GRIN2A: variants seen among roughly 807,000 people sequenced by gnomAD.
GRIN2A encodes the protein glutamate receptor ionotropic, NMDA 2A.
A neutral mutation model predicts 113.4 loss-of-function variants in GRIN2A; 22 were observed. The ratio of observed to expected loss-of-function variants is 0.19; its 90% CI spans 0.14 to 0.28. The LOEUF is 0.28. GRIN2A is among the 10% of genes least tolerant of loss of function. The probability of loss-of-function intolerance (pLI) is 1.00; values close to 1 mark genes in which losing one functional copy is unlikely to be tolerated. For synonymous variants in GRIN2A, 827 were observed against 738.4 expected (o/e 1.12, Z -1.94); for missense variants, 1,502 against 1,887.0 (o/e 0.80, Z 3.78).
intron 2 of GRIN2A, among the ~76,000 whole-genome samples, chr16:10,168,214 T>C (rs1220804714): frequency 6.6e-6 from 1 of 152,208 alleles, no homozygotes; most frequent in Non-Finnish European, 1.5e-5. Context: ...TATATATGTG[T>C]GTGTGAGTTG....
chr16:10,125,331 A>C (rs1419152164), intron 2 of GRIN2A, among the ~76,000 whole-genome samples: 1 of 152,162 alleles, frequency 6.6e-6, no homozygotes, highest in African/African-American at 2.4e-5. Context: ...CAGGGGCAGC[A>C]AAGAATATTT....
chr16:10,177,437 A>G (rs1375059071), intron 2 of GRIN2A, among the ~76,000 whole-genome samples: 8 of 152,178 alleles, frequency 5.3e-5, no homozygotes, highest in African/African-American at 1.4e-4. Flanking sequence ...AGAGTGGCCA[A>G]TGTCTCCAAG....
chr16:9,848,252 G>C (rs1017104468), intron 5 of GRIN2A, among the ~76,000 whole-genome samples: 1 of 150,752 alleles, frequency 6.6e-6, no homozygotes, highest in African/African-American at 2.4e-5. Flanking sequence ...GTCTCACTCT[G>C]TTGCCTAGGC....
chr16:10,173,276 G>A (rs749187125), intron 2 of GRIN2A, among the ~76,000 whole-genome samples: 6 of 152,150 alleles, frequency 3.9e-5, no homozygotes, highest in East Asian at 1.9e-4. Context: ...TGCCCTTTTC[G>A]AGAGCTCTCA....
intron 2 of GRIN2A, among the ~76,000 whole-genome samples, chr16:9,986,634 G>A (rs1478129376): frequency 3.3e-5 from 5 of 151,582 alleles, no homozygotes; most frequent in South Asian, 4.2e-4. Context: ...GCGTGCTGGC[G>A]GGTGCCTGTA....
At chr16:9,793,069 A>G (rs1316652618) in intron 11 of GRIN2A, among the ~76,000 whole-genome samples, 1 of 152,178 alleles carries the variant, frequency 6.6e-6, no homozygotes, top group Non-Finnish European at 1.5e-5. Context: ...TGCTCATGGT[A>G]AAGCTGAATG....
intron 11 of GRIN2A, among the ~76,000 whole-genome samples, chr16:9,781,690 G>A (rs555584028): frequency 8.6e-5 from 13 of 151,938 alleles, no homozygotes; most frequent in Admixed American, 3.3e-4. Context: ...TCAATATGAC[G>A]CCATATATCA....
At chr16:9,937,687 G>T (rs931937721) in intron 3 of GRIN2A, 1 of 487,512 alleles carries the variant, frequency 2.1e-6, no homozygotes, top group Non-Finnish European at 3.7e-6. Context: ...GCCATAGACA[G>T]ACAGACAGAT....
intron 2 of GRIN2A, among the ~76,000 whole-genome samples, chr16:9,949,858 C>G (rs11646198): frequency 0.49 from 74,938 of 151,826 alleles, 19,660 homozygotes; most frequent in African/African-American, 0.66. Context: ...GTGAGAAAGG[C>G]AGTGGCTGAG....
At chr16:9,841,714 TG>T (rs2042682896) in intron 5 of GRIN2A, among the ~76,000 whole-genome samples, 1 of 152,210 alleles carries the variant, frequency 6.6e-6, no homozygotes, top group Admixed American at 6.5e-5. Context: ...TAGAGCCAAA[TG>T]TTACATGAGG....
intron 2 of GRIN2A, among the ~76,000 whole-genome samples, chr16:10,110,426 A>G (rs1331637242): frequency 6.6e-6 from 1 of 152,232 alleles, no homozygotes; most frequent in Non-Finnish European, 1.5e-5. Context: ...AATGTCGTGG[A>G]ACTGTTTGTT....
intron 2 of GRIN2A, among the ~76,000 whole-genome samples, chr16:10,130,159 G>C (rs920918969): frequency 6.6e-6 from 1 of 152,206 alleles, no homozygotes; most frequent in South Asian, 2.1e-4. Context: ...ACTCATTCAA[G>C]GTTACATGGC....
intron 2 of GRIN2A, among the ~76,000 whole-genome samples, chr16:10,085,520 G>A (rs982205009): frequency 9.9e-5 from 15 of 152,242 alleles, no homozygotes; most frequent in African/African-American, 1.2e-4. Context: ...TGCAGCCCCC[G>A]TAAACTGACC....
rs147303171 is a variant in GRIN2A, at chr16:9,972,878, T to C, written c.415-34327A>G. Reference sequence around the variant, plus strand: ...GCCAGCTGTGCAGGAGACCAGAGTTTTATTATGACTCAAAATCAGTTTCCC... The same window carrying C: ...GCCAGCTGTGCAGGAGACCAGAGTTCTATTATGACTCAAAATCAGTTTCCC... On this transcript the variant is annotated intron_variant, in intron 2 of 12. Transcript: ENST00000330684. Among the ~76,000 whole-genome samples, 702 of 152,332 alleles carry C rather than the reference T, an allele frequency of 4.6e-3. 6 individuals carry two copies. The highest frequency in any genetic ancestry group is 0.016 in the African/African-American group (659 of 41,576).
At chr16:9,807,153 G>T (rs370901174) in intron 10 of GRIN2A, among the ~76,000 whole-genome samples, 14 of 144,912 alleles carry the variant, frequency 9.7e-5, no homozygotes, top group Admixed American at 1.4e-4. Flanking sequence ...ATCCAGTATC[G>T]GGTATGTCTT....
chr16:9,812,979 T>A (rs2141273989), intron 10 of GRIN2A, among the ~76,000 whole-genome samples: 1 of 152,340 alleles, frequency 6.6e-6, no homozygotes, highest in East Asian at 1.9e-4. Flanking sequence ...AATTGTGTTG[T>A]CAACAAGATC....
intron 3 of GRIN2A, among the ~76,000 whole-genome samples, chr16:9,917,640 C>A (rs1260711565): frequency 6.6e-6 from 1 of 152,190 alleles, no homozygotes; most frequent in Non-Finnish European, 1.5e-5. Context: ...ACTCTTCAGT[C>A]AAATAAAATA....
At position 10,138,230 on chromosome 16, in the gene GRIN2A, G is replaced by A. The variant is rs182067372; in HGVS notation, c.414+41768C>T. Among the ~76,000 whole-genome samples the A allele has an allele frequency of 4.0e-3, 606 of 152,262 alleles. 16 individuals are homozygous for A. In the East Asian group the frequency reaches 0.076, roughly 19 times the overall value. ...ACACTGAAGACTCAGAAGTCAGAGA[G>A]GGCTGAGTTTGAAACCACATTCGAT... On this transcript the variant is annotated intron_variant, in intron 2 of 12. Coordinates refer to ENST00000330684, the MANE Select transcript of GRIN2A (RefSeq NM_001134407.3).
intron 2 of GRIN2A, among the ~76,000 whole-genome samples, chr16:9,974,127 C>T (rs1425158300): frequency 6.6e-6 from 1 of 152,120 alleles, no homozygotes; most frequent in African/African-American, 2.4e-5. Context: ...ATGCATATAA[C>T]ACTATAGCAT....
Sources: gnomAD v4.1 joint callset for allele counts (sites outside exome capture counted in the v4.1 genomes callset) on GRCh38, gnomAD v4.1.1 for gene constraint, MANE v1.5 for transcripts, NCBI Gene and HGNC (gene_info 2026-07-23, HGNC 2026-07-21) for gene names.